The following STXBP5L variants were observed in gnomAD, a reference collection of about 807,000 sequenced individuals.
STXBP5L encodes syntaxin-binding protein 5-like.
A neutral mutation model predicts 144.5 loss-of-function variants in STXBP5L; 65 were observed. The ratio of observed to expected loss-of-function variants is 0.45; its 90% confidence interval spans 0.37 to 0.55. The LOEUF is 0.55. STXBP5L is among the 20% of genes least tolerant of loss of function. The pLI is 0.00. For missense variants in STXBP5L, 1,298 were observed against 1,405.5 expected (o/e 0.92, Z 1.22); for synonymous variants, 505 against 469.6 (o/e 1.08, Z -0.97).
chr3:121,162,365 G>C (rs2046354315), intron 9 of STXBP5L, among the ~76,000 whole-genome samples: 1 of 152,022 alleles, frequency 6.6e-6, no homozygotes, highest in African/African-American at 2.4e-5. Flanking sequence ...ACTGGCTAGT[G>C]ATATGCAGAA....
chr3:121,209,037 T>C (rs554379837), intron 10 of STXBP5L, among the ~76,000 whole-genome samples: 27 of 152,228 alleles, frequency 1.8e-4, no homozygotes, highest in African/African-American at 6.5e-4. Context: ...TCTGTTCCGG[T>C]GTTAGTTTGC....
rs1467768690 is a variant in STXBP5L at position 121,314,488 on chromosome 3, G to A, written c.2111-3987G>A. On this transcript the variant is annotated intron_variant, in intron 19 of 26. Coordinates refer to ENST00000471454, the MANE Select transcript of STXBP5L (RefSeq NM_001308330.2). ...CGCGCGCCTGCAATCGCAGGCACTC[G>A]GCAGGCTGAGGCAGGAGAATCAGGC... is the stretch of plus-strand genomic sequence containing the variant. Among the ~76,000 whole-genome samples, 538 of 145,408 alleles carry A rather than the reference G, an allele frequency of 3.7e-3. 7 individuals are homozygous for A. The highest frequency in any genetic ancestry group is 0.01 in the African/African-American group (404 of 39,326).
At chr3:120,980,501 A>T (rs1404516978) in intron 3 of STXBP5L, among the ~76,000 whole-genome samples, 2 of 149,364 alleles carry the variant, frequency 1.3e-5, no homozygotes, top group African/African-American at 4.9e-5. Context: ...AATCTATTTT[A>T]TCTGGTGTAA....
intron 2 of STXBP5L, among the ~76,000 whole-genome samples, chr3:120,934,975 T>G (rs1013736667): frequency 4.6e-5 from 7 of 151,990 alleles, no homozygotes; most frequent in African/African-American, 9.7e-5. Flanking sequence ...AATTGATATA[T>G]TTAATTCATT....
chr3:120,991,185 C>A (rs1370877667), intron 3 of STXBP5L, among the ~76,000 whole-genome samples: 1 of 149,854 alleles, frequency 6.7e-6, no homozygotes, highest in Non-Finnish European at 1.5e-5. Context: ...TGAACAGACA[C>A]TTCTCAAAAG....
Position 121,097,179 on chromosome 3 carries a change from C to A in STXBP5L, c.471-17746C>A, listed in dbSNP as rs534954376. 5.1e-4 allele frequency among the ~76,000 whole-genome samples: 77 copies of A among 152,250 alleles called. 1 individual carries two copies. In the South Asian group the frequency reaches 6.2e-3, roughly 12 times the overall value. ...TGCACCAGTGGTGGATGCCCCTCCC[C>A]ACACCAAGCTCAATTGTCCCAGGTT... On this transcript the variant is annotated intron_variant, in intron 5 of 26. Coordinates refer to ENST00000471454, the MANE Select transcript of STXBP5L (RefSeq NM_001308330.2).
At chr3:121,100,184 G>T (rs947123753) in intron 5 of STXBP5L, among the ~76,000 whole-genome samples, 5 of 152,184 alleles carry the variant, frequency 3.3e-5, no homozygotes, top group Non-Finnish European at 5.9e-5. Flanking sequence ...GCGTTAGACA[G>T]ATGCTTGAGG....
At chr3:121,178,551 T>A (rs896304624) in intron 9 of STXBP5L, among the ~76,000 whole-genome samples, 1 of 152,188 alleles carries the variant, frequency 6.6e-6, no homozygotes, top group Non-Finnish European at 1.5e-5. Flanking sequence ...CTGGTTTATA[T>A]AAAAACTCTT....
intron 4 of STXBP5L, among the ~76,000 whole-genome samples, chr3:121,043,908 A>T (rs1415594757): frequency 2.0e-5 from 3 of 152,142 alleles, no homozygotes; most frequent in Non-Finnish European, 4.4e-5. Context: ...ACCCCATCTC[A>T]GGTGAACTTC....
chr3:121,004,317 G>A (rs1944067515), intron 3 of STXBP5L, among the ~76,000 whole-genome samples: 2 of 151,604 alleles, frequency 1.3e-5, no homozygotes, highest in African/African-American at 4.8e-5. Flanking sequence ...AAGCAATTGT[G>A]AATGGGAGTT....
At chr3:121,327,478 A>C (rs1479875621) in intron 20 of STXBP5L, among the ~76,000 whole-genome samples, 1 of 152,146 alleles carries the variant, frequency 6.6e-6, no homozygotes, top group Non-Finnish European at 1.5e-5. Flanking sequence ...ACAGATGACT[A>C]TTATTGTGTA....
chr3:120,995,573 T>A (rs1487289993), intron 3 of STXBP5L, among the ~76,000 whole-genome samples: 1 of 152,170 alleles, frequency 6.6e-6, no homozygotes, highest in Non-Finnish European at 1.5e-5. Flanking sequence ...TAGAATTTTC[T>A]TAATGATTTC....
At position 121,422,771 on chromosome 3, in the gene STXBP5L, A is replaced by C. The variant is rs2047378523; in HGVS notation, c.*3674A>C. 1 of 152,178 alleles carries C rather than the reference A, an allele frequency of 6.6e-6. No homozygotes were observed. Among genetic ancestry groups the C allele is most frequent in the African/African-American group, 2.4e-5 (1 of 41,452 alleles). 9.4% of individuals were successfully genotyped at this position (152,178 alleles called of 1,614,324 possible). A position where few individuals can be genotyped will look rare whatever the true frequency, so the allele number is the denominator to read the frequency against. On this transcript the variant is annotated 3_prime_UTR_variant, in exon 27 of 27. Transcript: ENST00000471454. ...AAAGTGATTCTCAAATAAATAAATC[A>C]AAATCCAACTCCTTTCCCTCAAAGT...
chr3:121,373,205 G>T (rs1231609676), intron 20 of STXBP5L, among the ~76,000 whole-genome samples: 1 of 152,202 alleles, frequency 6.6e-6, no homozygotes, highest in Non-Finnish European at 1.5e-5. Flanking sequence ...AGGAAGCAAG[G>T]CACTCAGTTG....
At chr3:121,158,364 C>T (rs1399153864) in intron 9 of STXBP5L, 1 of 152,088 alleles carries the variant, frequency 6.6e-6, no homozygotes, top group Admixed American at 6.5e-5. Flanking sequence ...TTCTATGTTA[C>T]AGTTTCTGAG....
At chr3:121,329,817 A>G (rs1253527991) in intron 20 of STXBP5L, among the ~76,000 whole-genome samples, 1 of 152,094 alleles carries the variant, frequency 6.6e-6, no homozygotes, top group East Asian at 1.9e-4. Flanking sequence ...CCGATATTGC[A>G]CCACTGCACT....
intron 19 of STXBP5L, among the ~76,000 whole-genome samples, chr3:121,304,585 A>C (rs576985548): frequency 8.6e-4 from 131 of 152,162 alleles, no homozygotes; most frequent in Non-Finnish European, 1.5e-3. Flanking sequence ...AATACTTGAA[A>C]ATTAAGCAAC....
Position 121,173,470 on chromosome 3 carries a change from T to C in STXBP5L, c.877+15843T>C, listed in dbSNP as rs181101798. 6.7e-4 allele frequency among the ~76,000 whole-genome samples: 102 copies of C among 151,960 alleles called. 3 individuals are homozygous for C. Among genetic ancestry groups the C allele is most frequent in the Non-Finnish European group, 2.9e-4 (20 of 67,966 alleles). On this transcript the variant is annotated intron_variant, in intron 9 of 26. Transcript: ENST00000471454. Reference sequence around the variant, plus strand: ...GGTTGTAGGGCAAACAACTATAGTTTACTTTCGAACAACATGAGTGTGAGG... The same window carrying C: ...GGTTGTAGGGCAAACAACTATAGTTCACTTTCGAACAACATGAGTGTGAGG...
chr3:121,100,188 C>G (rs2043343283), intron 5 of STXBP5L, among the ~76,000 whole-genome samples: 1 of 152,078 alleles, frequency 6.6e-6, no homozygotes, highest in Non-Finnish European at 1.5e-5. Context: ...TAGACAGATG[C>G]TTGAGGCAGA....
Sources: allele counts gnomAD v4.1 joint callset (sites outside exome capture counted in the v4.1 genomes callset), GRCh38; gene constraint gnomAD v4.1.1; transcripts MANE v1.5; gene names NCBI Gene and HGNC (gene_info 2026-07-23, HGNC 2026-07-21).